The following STAT3 variants were observed in gnomAD, a reference collection of about 807,000 sequenced individuals.
The protein encoded by STAT3 is signal transducer and activator of transcription 3, also known as DNA-binding protein APRF.
In STAT3, 7 loss-of-function variants were observed where a neutral mutation model predicts 114.3. The observed-to-expected ratio is 0.06, with a 90% CI of 0.03 to 0.11. STAT3 has a LOEUF of 0.11. STAT3 is among the 10% of genes least tolerant of loss of function. The pLI, the probability that STAT3 is intolerant of heterozygous loss-of-function variation, is 1.00. For missense variants in STAT3, 364 were observed against 960.9 expected (o/e 0.38, Z 8.21); for synonymous variants, 331 against 354.5 (o/e 0.93, Z 0.74).
At chr17:42,354,897 A>C (rs1369033642) in intron 1 of STAT3, among the ~76,000 whole-genome samples, 1 of 152,148 alleles carries the variant, frequency 6.6e-6, no homozygotes, top group Non-Finnish European at 1.5e-5. Flanking sequence ...ATACTTTAAT[A>C]GTTATTCTAC....
intron 23 of STAT3, chr17:42,316,029 T>C (rs992724674): frequency 2.1e-5 from 30 of 1,422,236 alleles, no homozygotes; most frequent in Non-Finnish European, 2.3e-5. Context: ...CAGAGCTCCA[T>C]GTTTACAGAA....
intron 1 of STAT3, among the ~76,000 whole-genome samples, chr17:42,353,735 G>A (rs531948519): frequency 6.6e-6 from 1 of 152,240 alleles, no homozygotes; most frequent in East Asian, 1.9e-4. Flanking sequence ...ACAATGTTCA[G>A]CTAATTTTTT....
At chr17:42,347,166 T>G (rs1316271269) in intron 2 of STAT3, among the ~76,000 whole-genome samples, 2 of 119,712 alleles carry the variant, frequency 1.7e-5, no homozygotes, top group Non-Finnish European at 3.2e-5. Flanking sequence ...CAGCCTGGGC[T>G]ACAGCCAGAC....
rs1300868777 is a variant in STAT3, at chr17:42,323,252, C to G, written c.1748+8G>C. 6.2e-7 allele frequency: 1 copy of G among 1,614,046 alleles called. No individual in the cohort carries two copies. ...TGGTTACATCTGTGCACACTCTGTCCAACCTACCCTTCGTTCCAAAGGGCC... is the reference window on the plus strand; with the variant it reads ...TGGTTACATCTGTGCACACTCTGTCGAACCTACCCTTCGTTCCAAAGGGCC... On this transcript the variant is annotated splice_region_variant and intron_variant, in intron 19 of 23. Transcript: ENST00000264657.
At chr17:42,358,933 CTTTTTTTT>C (rs35099574) in intron 1 of STAT3, among the ~76,000 whole-genome samples, 1 of 100,500 alleles carries the variant, frequency 1.0e-5, no homozygotes, top group Non-Finnish European at 1.9e-5. Context: ...ACATTTCTTA[CTTTTTTTT>C]TTTTTTTTTT....
At chr17:42,349,337 A>G (rs557296754) in intron 1 of STAT3, among the ~76,000 whole-genome samples, 1 of 152,368 alleles carries the variant, frequency 6.6e-6, no homozygotes, top group Non-Finnish European at 1.5e-5. Context: ...ATATTCCTAC[A>G]GCATCCAGCT....
At position 42,315,138 on chromosome 17, in the gene STAT3, G is replaced by GA. The variant is rs1453923506; in HGVS notation, c.*606dup. The GA allele has an allele frequency of 4.8e-6, 1 of 206,888 alleles. No homozygotes were observed. The highest frequency in any genetic ancestry group is 2.3e-5 in the African/African-American group (1 of 43,500). The allele number at this position is 206,888 out of a possible 1,614,324, so 12.8% of individuals were successfully genotyped here. A position where few individuals can be genotyped will look rare whatever the true frequency, so the allele number is the denominator to read the frequency against. Reference sequence around the variant, plus strand: ...CCCAAAGTGCTGGGATTACAGGCGTGAGCCACCATGCCCGGCTGCTTAAGT... The same window carrying GA: ...CCCAAAGTGCTGGGATTACAGGCGTGAAGCCACCATGCCCGGCTGCTTAAGT... On this transcript the variant is annotated 3_prime_UTR_variant, in exon 24 of 24. Transcript: ENST00000264657.
intron 4 of STAT3, among the ~76,000 whole-genome samples, chr17:42,343,965 G>C (rs2082571740): frequency 6.6e-6 from 1 of 151,992 alleles, no homozygotes. Flanking sequence ...TCCAATATTT[G>C]TACCCTCATT....
intron 2 of STAT3, 137 bp downstream of exon 2, chr17:42,348,252 A>T: frequency 7.7e-7 from 1 of 1,300,716 alleles, no homozygotes; most frequent in African/African-American, 1.5e-5. Context: ...GTGCCCCTTT[A>T]TCTCCTGATC....
rs200877459 is a variant in STAT3, at chr17:42,343,169, CAA to C, written c.372+2388_372+2389del. On this transcript the variant is annotated intron_variant, in intron 4 of 23. Transcript: ENST00000264657. ...CCTGGGTGACAGAGTGAGACTGTCT[CAA>C]AAAAAAAAAAAAAAAACAAAGGTTA... is the stretch of plus-strand genomic sequence containing the variant. 8.1e-4 allele frequency among the ~76,000 whole-genome samples: 51 copies of C among 62,766 alleles called. No individual in the cohort carries two copies. In the South Asian group the frequency reaches 0.019, roughly 24 times the overall value. The allele number at this position is 62,766 out of a possible 152,430, so 41.2% of individuals were successfully genotyped here.
intron 1 of STAT3, among the ~76,000 whole-genome samples, chr17:42,359,328 T>C (rs2145142240): frequency 6.6e-6 from 1 of 152,278 alleles, no homozygotes; most frequent in East Asian, 1.9e-4. Flanking sequence ...TAATCACTAA[T>C]CAGCTTTCCC....
intron 4 of STAT3, among the ~76,000 whole-genome samples, chr17:42,343,306 C>T (rs997904292): frequency 4.0e-5 from 6 of 151,740 alleles, no homozygotes; most frequent in African/African-American, 9.7e-5. Flanking sequence ...ATATTAAAGA[C>T]GGTAAAACCC....
intron 1 of STAT3, among the ~76,000 whole-genome samples, chr17:42,351,129 C>CAAAAAAAAAA (rs139529559): frequency 3.2e-4 from 25 of 77,062 alleles, no homozygotes; most frequent in Non-Finnish European, 4.3e-4. Flanking sequence ...GACTCCATCT[C>CAAAAAAAAAA]AAAAAAAAAA....
At chr17:42,368,840 A>T (rs1372814504) in intron 1 of STAT3, among the ~76,000 whole-genome samples, 2 of 151,888 alleles carry the variant, frequency 1.3e-5, no homozygotes, top group Non-Finnish European at 2.9e-5. Context: ...ATTTTGATAA[A>T]ATATTAAGTA....
chr17:42,385,389 A>T (rs1298731584), intron 1 of STAT3, among the ~76,000 whole-genome samples: 1 of 151,686 alleles, frequency 6.6e-6, no homozygotes, highest in African/African-American at 2.4e-5. Flanking sequence ...GGCACCTGTA[A>T]TCCCAGCTAC....
chr17:42,345,805 GCTCT>G lies in STAT3; in HGVS notation c.274-152_274-149del. 2.5e-6 allele frequency: 2 copies of G among 798,142 alleles called. 1 individual carries two copies. Among genetic ancestry groups the G allele is most frequent in the Middle Eastern group, 7.0e-4 (2 of 2,874 alleles). 49.4% of individuals were successfully genotyped at this position (798,142 alleles called of 1,614,324 possible). A position where few individuals can be genotyped will look rare whatever the true frequency, so the allele number is the denominator to read the frequency against. ...CAAAGGCTTCAGAGCCTGGGTGAAGGCTCTCTGTCGGCGGGGGGCGAAGGGGAGG... is the reference window on the plus strand; with the variant it reads ...CAAAGGCTTCAGAGCCTGGGTGAAGGCTGTCGGCGGGGGGCGAAGGGGAGG... On this transcript the variant is annotated intron_variant, in intron 3 of 23. Transcript: ENST00000264657.
intron 4 of STAT3, among the ~76,000 whole-genome samples, chr17:42,343,455 CTT>C (rs34846688): frequency 0.3 from 29,649 of 97,804 alleles, 3,034 homozygotes; most frequent in South Asian, 0.39. Flanking sequence ...TCAGATCTTT[CTT>C]TTTTTTTTTT....
At position 42,382,112 on chromosome 17, in the gene STAT3, C is replaced by T. The variant is rs141121783; in HGVS notation, c.-24+6167G>A. Among the ~76,000 whole-genome samples, 171 of 152,224 alleles carry T rather than the reference C, an allele frequency of 1.1e-3. 1 individual carries two copies. The highest frequency in any genetic ancestry group is 3.4e-3 in the African/African-American group (142 of 41,552). ...CAGCCTTGAATGCAACTTTTTGTAA[C>T]GCAACTTCGTGGAAAGAATTCCTAT... is the stretch of plus-strand genomic sequence containing the variant. On this transcript the variant is annotated intron_variant, in intron 1 of 23. Coordinates refer to ENST00000264657, the MANE Select transcript of STAT3 (RefSeq NM_139276.3).
At chr17:42,349,795 G>A (rs529013430) in intron 1 of STAT3, among the ~76,000 whole-genome samples, 58 of 152,342 alleles carry the variant, frequency 3.8e-4, no homozygotes, top group Admixed American at 5.9e-4. Flanking sequence ...AGTGGCTTAC[G>A]CCTGTAATCC....
Sources: gnomAD v4.1 joint callset for allele counts (sites outside exome capture counted in the v4.1 genomes callset) on GRCh38, gnomAD v4.1.1 for gene constraint, MANE v1.5 for transcripts, NCBI Gene and HGNC (gene_info 2026-07-23, HGNC 2026-07-21) for gene names.